Variants in REXO5 observed in about 807,000 individuals in gnomAD.
REXO5 encodes exonuclease NEF-sp.
A neutral mutation model predicts 88.5 loss-of-function variants in REXO5; 48 were observed. That is an observed-to-expected ratio of 0.54 (90% CI 0.43 to 0.69). The LOEUF is 0.69. Among genes scored for constraint, REXO5 ranks in the 30% least tolerant of loss-of-function variants. The pLI is 0.00. For synonymous variants in REXO5, 311 were observed against 336.5 expected (o/e 0.92, Z 0.83); for missense variants, 749 against 912.2 (o/e 0.82, Z 2.30).
At chr16:20,820,700 A>G (rs1316594422) in intron 5 of REXO5, among the ~76,000 whole-genome samples, 1 of 150,520 alleles carries the variant, frequency 6.6e-6, no homozygotes, top group African/African-American at 2.4e-5. Flanking sequence ...AATAGGTGGA[A>G]TTACAGGTGC....
chr16:20,815,606 C>T (rs774429822), intron 4 of REXO5, among the ~76,000 whole-genome samples: 5 of 152,014 alleles, frequency 3.3e-5, no homozygotes, highest in Non-Finnish European at 5.9e-5. Context: ...CCACGGACCA[C>T]CTGCTACACG....
Position 20,827,464 on chromosome 16 carries a change from G to T in REXO5, c.1055+17G>T, listed in dbSNP as rs747084889. ...TATTTTGGGGTAGGTTTGCTTATAT[G>T]CTGTAATATTGTTCTGACAAACTGC... On this transcript the variant is annotated intron_variant, in intron 10 of 19. Coordinates refer to ENST00000261377, the MANE Select transcript of REXO5 (RefSeq NM_030941.3). 6 of 1,571,258 alleles carry T rather than the reference G, an allele frequency of 3.8e-6. No homozygotes were observed. In the South Asian group the frequency reaches 5.6e-5, roughly 15 times the overall value.
At chr16:20,815,201 G>T in intron 4 of REXO5, 148 bp downstream of exon 4, 1 of 718,354 alleles carries the variant, frequency 1.4e-6, no homozygotes, top group South Asian at 2.7e-5. Context: ...GCCTCATGTA[G>T]ATTTGTCTCT....
intron 18 of REXO5, 51 bp from the exon 19 acceptor site, chr16:20,846,169 AG>A (rs1324461102): frequency 7.2e-7 from 1 of 1,389,506 alleles, no homozygotes; most frequent in Non-Finnish European, 1.0e-6. Flanking sequence ...GCCCTTCCAA[AG>A]GTAACGAGAG....
intron 2 of REXO5, chr16:20,807,403 C>G (rs991885039): frequency 2.9e-5 from 9 of 306,140 alleles, no homozygotes; most frequent in Non-Finnish European, 5.0e-5. Flanking sequence ...ATGGAGAAAT[C>G]CCCGTCTCTA....
chr16:20,827,956 T>G (rs758304896), intron 10 of REXO5, among the ~76,000 whole-genome samples: 6 of 152,210 alleles, frequency 3.9e-5, no homozygotes, highest in African/African-American at 1.4e-4. Flanking sequence ...CAGAGCAAGA[T>G]CTATATATGC....
intron 13 of REXO5, among the ~76,000 whole-genome samples, chr16:20,838,435 G>A (rs1567405990): frequency 6.6e-6 from 1 of 152,132 alleles, no homozygotes; most frequent in Admixed American, 6.5e-5. Flanking sequence ...ATTGTTGTTG[G>A]TATTGTTGAG....
At chr16:20,845,293 G>A in intron 18 of REXO5, 52 bp downstream of exon 18, 1 of 1,491,938 alleles carries the variant, frequency 6.7e-7, no homozygotes, top group Non-Finnish European at 9.1e-7. Flanking sequence ...CCTGCTCAGT[G>A]ACACTTAATC....
rs369398197 is a variant in REXO5 at position 20,816,485 on chromosome 16, C to T, written c.475+273C>T. On this transcript the variant is annotated intron_variant, in intron 5 of 19. Coordinates refer to ENST00000261377, the MANE Select transcript of REXO5 (RefSeq NM_030941.3). ...GGGAACTACCAGCACAGGCCACATC[C>T]CCAGCTAATTTTGTTTGTTTGTTTG... Among the ~76,000 whole-genome samples the T allele has an allele frequency of 9.1e-4, 139 of 152,126 alleles. 4 individuals are homozygous for T. In the South Asian group the frequency reaches 0.028, roughly 31 times the overall value.
Position 20,849,649 on chromosome 16 carries a change from C to T in REXO5, c.*169C>T. 1 of 613,736 alleles carries T rather than the reference C, an allele frequency of 1.6e-6. No individual in the cohort carries two copies. Among genetic ancestry groups the T allele is most frequent in the Non-Finnish European group, 2.9e-6 (1 of 344,964 alleles). 38.0% of individuals were successfully genotyped at this position (613,736 alleles called of 1,614,324 possible). A position where few individuals can be genotyped will look rare whatever the true frequency, so the allele number is the denominator to read the frequency against. On this transcript the variant is annotated 3_prime_UTR_variant, in exon 20 of 20. Coordinates refer to ENST00000261377, the MANE Select transcript of REXO5 (RefSeq NM_030941.3). ...GGCATGTATAAGTTTTCAATAAATG[C>T]CTAAAGTTCAAGCATAGTATGGGGA...
Position 20,833,054 on chromosome 16 carries a change from G to A in REXO5, c.1314G>A (p.Arg438=), listed in dbSNP as rs1290835576. 8 of 1,613,252 alleles carry A rather than the reference G, an allele frequency of 5.0e-6. No individual in the cohort carries two copies. The highest frequency in any genetic ancestry group is 5.9e-6 in the Non-Finnish European group (7 of 1,179,512). ...GTCAGAAGCTTCTTTTTTTGACCCG[G>A]GAGACAGATGCTGGTGAACTTCCAT... ...SVGQKLLFLT[R]ETDAGELPSS... The change falls in exon 13 of 20, where the codon CGG becomes CGA. Residue 438 remains arginine (R), a synonymous_variant. Coordinates refer to ENST00000261377, the MANE Select transcript of REXO5 (RefSeq NM_030941.3).
Position 20,829,471 on chromosome 16 carries a change from T to G in REXO5, c.1158+934T>G, listed in dbSNP as rs141343906. Among the ~76,000 whole-genome samples, 322 of 152,320 alleles carry G rather than the reference T, an allele frequency of 2.1e-3. 1 individual carries two copies. Among genetic ancestry groups the G allele is most frequent in the Admixed American group, 5.6e-3 (86 of 15,300 alleles). On this transcript the variant is annotated intron_variant, in intron 11 of 19. Transcript: ENST00000261377. ...CTTTATTATAATGCATTCTAACCTA[T>G]TAGATTGTCCCATTGCATAGTACAT...
Position 20,807,056 on chromosome 16 carries a change from G to C in REXO5, c.103G>C (p.Gly35Arg). ...LVGAAEAMKA[G>R]WDLEESQPEA... ...CGGGGCAGCTGAGGCGATGAAAGCC[G>C]GTTGGGATCTCGAGGAGAGTCAGCC... The change falls in exon 2 of 20, where the codon GGT becomes CGT. Residue 35 changes from glycine (G) to arginine (R), a missense_variant. By Grantham distance (125) the Gly-to-Arg change is moderately radical (BLOSUM62 -2). Coordinates refer to ENST00000261377, the MANE Select transcript of REXO5 (RefSeq NM_030941.3). 3 of 1,604,828 alleles carry C rather than the reference G, an allele frequency of 1.9e-6. No homozygotes were observed. Among genetic ancestry groups the C allele is most frequent in the Non-Finnish European group, 2.5e-6 (3 of 1,176,502 alleles).
At chr16:20,813,076 A>C in intron 2 of REXO5, 114 bp from the exon 3 acceptor site, 1 of 724,842 alleles carries the variant, frequency 1.4e-6, no homozygotes. Context: ...GCACTTCCTT[A>C]TGTTAGAATA....
intron 3 of REXO5, among the ~76,000 whole-genome samples, chr16:20,814,441 C>T (rs954779110): frequency 1.3e-5 from 2 of 152,012 alleles, no homozygotes; most frequent in African/African-American, 4.8e-5. Context: ...GGGGTTTCGC[C>T]ATGTTGCCCA....
At chr16:20,811,696 T>C (rs941889055) in intron 2 of REXO5, among the ~76,000 whole-genome samples, 1 of 152,230 alleles carries the variant, frequency 6.6e-6, no homozygotes, top group African/African-American at 2.4e-5. Flanking sequence ...CTTACAAAGT[T>C]GTGAGAATTA....
chr16:20,826,209 T>C (rs1199268425), intron 8 of REXO5, among the ~76,000 whole-genome samples: 1 of 152,218 alleles, frequency 6.6e-6, no homozygotes, highest in Non-Finnish European at 1.5e-5. Context: ...CTCCCAATTA[T>C]AATCATTATC....
intron 15 of REXO5, among the ~76,000 whole-genome samples, chr16:20,842,354 T>C (rs1454193194): frequency 1.3e-5 from 2 of 152,244 alleles, no homozygotes; most frequent in Non-Finnish European, 2.9e-5. Flanking sequence ...TCATTCATGT[T>C]GTAGCATGTA....
chr16:20,845,969 G>T (rs1439494783), intron 18 of REXO5, among the ~76,000 whole-genome samples: 2 of 152,178 alleles, frequency 1.3e-5, no homozygotes. Flanking sequence ...CTAGCTTGGG[G>T]TCTTGGAAGA....
Sources: gnomAD v4.1 joint callset for allele counts (sites outside exome capture counted in the v4.1 genomes callset) on GRCh38, gnomAD v4.1.1 for gene constraint, MANE v1.5 for transcripts, NCBI Gene and HGNC (gene_info 2026-07-23, HGNC 2026-07-21) for gene names.